The following NDUFS4 variants were observed in gnomAD, a reference collection of about 807,000 sequenced individuals.
The protein encoded by NDUFS4 is NADH:ubiquinone oxidoreductase subunit S4.
A neutral mutation model predicts 24.3 loss-of-function variants in NDUFS4; 28 were observed. The observed-to-expected ratio is 1.15, with a 90% CI of 0.85 to 1.58. The LOEUF (loss-of-function observed/expected upper bound fraction) is 1.58. Ranked by LOEUF, NDUFS4 falls within the 40% of genes most tolerant of loss-of-function variation. NDUFS4 has a pLI of 0.00. For synonymous variants in NDUFS4, 93 were observed against 69.7 expected, an observed-to-expected ratio of 1.34 and a Z score of -1.67; for missense variants, 223 against 207.9, an observed-to-expected ratio of 1.07 and a Z score of -0.45.
At chr5:53,572,978 T>C (rs1047995964) in intron 1 of NDUFS4, among the ~76,000 whole-genome samples, 1 of 148,328 alleles carries the variant, frequency 6.7e-6, no homozygotes, top group Non-Finnish European at 1.5e-5. Flanking sequence ...TTGTTTTTTT[T>C]TTTTTTTAAG....
intron 4 of NDUFS4, among the ~76,000 whole-genome samples, chr5:53,672,213 A>G (rs144369738): frequency 1.3e-5 from 2 of 152,074 alleles, no homozygotes; most frequent in African/African-American, 4.8e-5. Flanking sequence ...TCACATCCAT[A>G]TATCTTTTAA....
intron 1 of NDUFS4, among the ~76,000 whole-genome samples, chr5:53,567,110 A>G (rs1357034410): frequency 6.6e-6 from 1 of 152,078 alleles, no homozygotes; most frequent in Non-Finnish European, 1.5e-5. Context: ...CGACCTCCCA[A>G]AGTGCTGGAA....
intron 2 of NDUFS4, among the ~76,000 whole-genome samples, chr5:53,625,756 G>T (rs540262874): frequency 6.6e-6 from 1 of 151,534 alleles, no homozygotes; most frequent in Admixed American, 6.6e-5. Flanking sequence ...CACTCATTTT[G>T]TCCATCTTTT....
At chr5:53,587,204 C>CA (rs1237745873) in intron 1 of NDUFS4, among the ~76,000 whole-genome samples, 3 of 152,048 alleles carry the variant, frequency 2.0e-5, no homozygotes, top group Non-Finnish European at 2.9e-5. Flanking sequence ...ACCCCACTCC[C>CA]AAAAAATCAT....
chr5:53,631,099 T>C (rs1561374754), intron 2 of NDUFS4, among the ~76,000 whole-genome samples: 1 of 152,160 alleles, frequency 6.6e-6, no homozygotes, highest in Non-Finnish European at 1.5e-5. Context: ...GTTGATGGTA[T>C]TCCTTTCTGT....
intron 1 of NDUFS4, among the ~76,000 whole-genome samples, chr5:53,603,137 C>T (rs575059063): frequency 2.0e-5 from 3 of 152,070 alleles, no homozygotes; most frequent in African/African-American, 4.8e-5. Flanking sequence ...TCTGGCTGGT[C>T]GTGACAAATC....
At chr5:53,572,631 C>CT (rs1749247021) in intron 1 of NDUFS4, among the ~76,000 whole-genome samples, 1 of 150,708 alleles carries the variant, frequency 6.6e-6, no homozygotes, top group Non-Finnish European at 1.5e-5. Flanking sequence ...AGATTTTTTT[C>CT]TGTATTGTCT....
intron 3 of NDUFS4, among the ~76,000 whole-genome samples, chr5:53,655,567 C>T (rs1018397243): frequency 6.6e-6 from 1 of 151,862 alleles, no homozygotes; most frequent in African/African-American, 2.4e-5. Flanking sequence ...GGATATGTGG[C>T]TTTCTAATAT....
At position 53,631,469 on chromosome 5, in the gene NDUFS4, T is replaced by C. The variant is rs990412676; in HGVS notation, c.178-14764T>C. On this transcript the variant is annotated intron_variant, in intron 2 of 4. Coordinates refer to ENST00000296684, the MANE Select transcript of NDUFS4 (RefSeq NM_002495.4). ...GTGAGGCAGGGACGTTTAAGTCTGC[T>C]GAAGCTGTGCCCACAGCTGCCCCTT... Among the ~76,000 whole-genome samples, 7 of 152,182 alleles carry C rather than the reference T, an allele frequency of 4.6e-5. No individual in the cohort carries two copies. In the South Asian group the frequency reaches 1.2e-3, roughly 27 times the overall value.
intron 1 of NDUFS4, among the ~76,000 whole-genome samples, chr5:53,598,673 A>G (rs558318970): frequency 6.6e-6 from 1 of 152,318 alleles, no homozygotes; most frequent in South Asian, 2.1e-4. Context: ...TATGTAAAAG[A>G]CAACACAATA....
chr5:53,628,986 G>C (rs1188896533), intron 2 of NDUFS4, among the ~76,000 whole-genome samples: 1 of 152,084 alleles, frequency 6.6e-6, no homozygotes, highest in Non-Finnish European at 1.5e-5. Flanking sequence ...GTCAGTTTTA[G>C]CTCTTTCCTG....
intron 4 of NDUFS4, among the ~76,000 whole-genome samples, chr5:53,661,795 G>GCTAT (rs1554060471): frequency 6.6e-6 from 1 of 151,328 alleles, no homozygotes; most frequent in East Asian, 1.9e-4. Flanking sequence ...TCATGATTTG[G>GCTAT]CTGTCTGTTA....
chr5:53,604,853 C>G (rs566539169), intron 2 of NDUFS4: 12 of 456,240 alleles, frequency 2.6e-5, no homozygotes, highest in South Asian at 1.9e-4. Flanking sequence ...TTTAACTAAT[C>G]CTGAGGACTT....
In NDUFS4 at chr5:53,580,686, G is replaced by A. The variant is rs10038575; in HGVS notation, c.98+19926G>A. On this transcript the variant is annotated intron_variant, in intron 1 of 4. Transcript: ENST00000296684. Reference sequence around the variant, plus strand: ...CTCTCTCTTTCTTTCTTTCTCTTTCGTCCTTCCTTTCCTTTCCTTTCCTTT... The same window carrying A: ...CTCTCTCTTTCTTTCTTTCTCTTTCATCCTTCCTTTCCTTTCCTTTCCTTT... 1.7e-3 allele frequency among the ~76,000 whole-genome samples: 236 copies of A among 141,872 alleles called. 1 individual carries two copies. The highest frequency in any genetic ancestry group is 6.2e-3 in the African/African-American group (227 of 36,862). 93.1% of individuals were successfully genotyped at this position (141,872 alleles called of 152,430 possible).
chr5:53,622,435 T>TG (rs1751076392), intron 2 of NDUFS4, among the ~76,000 whole-genome samples: 1 of 152,148 alleles, frequency 6.6e-6, no homozygotes, highest in Non-Finnish European at 1.5e-5. Context: ...ACCTCCTTGA[T>TG]GTGTCTACAT....
intron 4 of NDUFS4, among the ~76,000 whole-genome samples, chr5:53,677,341 A>G (rs1740507966): frequency 6.6e-6 from 1 of 152,136 alleles, no homozygotes; most frequent in South Asian, 2.1e-4. Flanking sequence ...TAATCTAACA[A>G]ATATTTCAGG....
chr5:53,653,319 T>C (rs1317577154), intron 3 of NDUFS4, among the ~76,000 whole-genome samples: 2 of 152,170 alleles, frequency 1.3e-5, no homozygotes, highest in Non-Finnish European at 2.9e-5. Flanking sequence ...AAGCCTTAAG[T>C]CATCAAAGTG....
At chr5:53,623,917 C>T (rs1751138557) in intron 2 of NDUFS4, among the ~76,000 whole-genome samples, 1 of 152,120 alleles carries the variant, frequency 6.6e-6, no homozygotes. Context: ...TGGGGTTTCA[C>T]CATATTGGCC....
chr5:53,563,330 CAAAG>C (rs1180502386), intron 1 of NDUFS4, among the ~76,000 whole-genome samples: 1 of 148,248 alleles, frequency 6.7e-6, no homozygotes, highest in Non-Finnish European at 1.5e-5. Context: ...AAAAGCAAAA[CAAAG>C]AATGCAACAA....
Sources: gnomAD v4.1 joint callset for allele counts (sites outside exome capture counted in the v4.1 genomes callset) on GRCh38, gnomAD v4.1.1 for gene constraint, MANE v1.5 for transcripts, NCBI Gene and HGNC (gene_info 2026-07-23, HGNC 2026-07-21) for gene names.